The following GRM8 variants were observed in gnomAD, a reference collection of about 807,000 sequenced individuals.
The protein encoded by GRM8 is glutamate metabotropic receptor 8, also known as metabotropic glutamate receptor 8.
A neutral mutation model predicts 87.2 loss-of-function variants in GRM8; 47 were observed. The ratio of observed to expected loss-of-function variants is 0.54; its 90% CI spans 0.43 to 0.69. The LOEUF (loss-of-function observed/expected upper bound fraction) is 0.69, where lower values mean the gene tolerates loss of function less well. Ranked by LOEUF, GRM8 falls within the 30% of genes least tolerant of loss-of-function variation. The pLI is 0.00. For synonymous variants in GRM8, 396 were observed against 404.5 expected (o/e 0.98, Z 0.25); for missense variants, 1,019 against 1,139.2 (o/e 0.89, Z 1.52).
At chr7:126,572,531 A>G (rs183652006) in intron 8 of GRM8, among the ~76,000 whole-genome samples, 32 of 152,060 alleles carry the variant, frequency 2.1e-4, no homozygotes, top group African/African-American at 7.7e-4. Context: ...GGTACTAAAA[A>G]TAACAAAGTA....
intron 8 of GRM8, among the ~76,000 whole-genome samples, chr7:126,604,541 A>T (rs1053666230): frequency 6.6e-6 from 1 of 152,134 alleles, no homozygotes; most frequent in Non-Finnish European, 1.5e-5. Context: ...GTACCAGTCA[A>T]TGTTCTAGGA....
intron 2 of GRM8, among the ~76,000 whole-genome samples, chr7:127,216,993 A>G (rs957651549): frequency 6.6e-6 from 1 of 152,188 alleles, no homozygotes; most frequent in Non-Finnish European, 1.5e-5. Context: ...TTCACAGTCC[A>G]TATCAGTATC....
chr7:126,784,761 C>A (rs1426085365), intron 6 of GRM8, among the ~76,000 whole-genome samples: 1 of 151,460 alleles, frequency 6.6e-6, no homozygotes, highest in Non-Finnish European at 1.5e-5. Context: ...AAAACTGAAG[C>A]TCAGGTTAAA....
At chr7:126,980,757 C>T (rs1811440000) in intron 3 of GRM8, among the ~76,000 whole-genome samples, 2 of 152,292 alleles carry the variant, frequency 1.3e-5, no homozygotes, top group South Asian at 4.1e-4. Flanking sequence ...TCCCAGTGGG[C>T]CATACTAACT....
chr7:126,679,245 T>C (rs1010146845), intron 7 of GRM8, among the ~76,000 whole-genome samples: 2 of 152,248 alleles, frequency 1.3e-5, no homozygotes, highest in Non-Finnish European at 2.9e-5. Flanking sequence ...TTTACATGTC[T>C]AAAATTATTG....
chr7:127,064,555 ATCTTGCTTT>A (rs1378739522), intron 3 of GRM8, among the ~76,000 whole-genome samples: 1 of 152,084 alleles, frequency 6.6e-6, no homozygotes, highest in Non-Finnish European at 1.5e-5. Context: ...ATACCATTGG[ATCTTGCTTT>A]TCTATCCAGC....
chr7:126,461,676 A>G (rs1004160029), intron 9 of GRM8, among the ~76,000 whole-genome samples: 2 of 151,500 alleles, frequency 1.3e-5, no homozygotes, highest in Non-Finnish European at 3.0e-5. Flanking sequence ...GCCTTCATTC[A>G]TTGGAGGTTC....
chr7:127,212,208 C>T (rs1421771074), intron 2 of GRM8, among the ~76,000 whole-genome samples: 1 of 152,070 alleles, frequency 6.6e-6, no homozygotes, highest in African/African-American at 2.4e-5. Flanking sequence ...ACAGCTGAGG[C>T]TAGACAGAGA....
intron 3 of GRM8, among the ~76,000 whole-genome samples, chr7:126,992,440 A>T (rs1186067976): frequency 2.0e-5 from 3 of 152,350 alleles, no homozygotes; most frequent in Non-Finnish European, 4.4e-5. Context: ...AATAGAAAAC[A>T]ACCATTTGTA....
In GRM8 at chr7:126,940,163, C is replaced by T. The variant is rs141272404; in HGVS notation, c.728-35480G>A. ...TTTTCCGGATTAAAATAGAACCTTC[C>T]CACTAACCCCCACCTGCAATTCCAA... On this transcript the variant is annotated intron_variant, in intron 3 of 10. Coordinates refer to ENST00000339582, the MANE Select transcript of GRM8 (RefSeq NM_000845.3). Among the ~76,000 whole-genome samples the T allele has an allele frequency of 1.1e-4, 17 of 152,268 alleles. No homozygotes were observed. In the East Asian group the frequency reaches 2.3e-3, roughly 21 times the overall value.
intron 7 of GRM8, among the ~76,000 whole-genome samples, chr7:126,610,238 T>A (rs539781459): frequency 9.9e-5 from 15 of 152,218 alleles, no homozygotes; most frequent in Non-Finnish European, 2.1e-4. Flanking sequence ...TTATTAACTT[T>A]TATGTAATTA....
At chr7:126,583,167 C>T (rs1387384917) in intron 8 of GRM8, among the ~76,000 whole-genome samples, 3 of 151,944 alleles carry the variant, frequency 2.0e-5, no homozygotes, top group Non-Finnish European at 2.9e-5. Flanking sequence ...ACCAGCCTGG[C>T]CAACATGGTG....
chr7:126,988,552 G>A (rs1034347936), intron 3 of GRM8, among the ~76,000 whole-genome samples: 1 of 152,116 alleles, frequency 6.6e-6, no homozygotes, highest in African/African-American at 2.4e-5. Context: ...TGCCTATTAT[G>A]TGCTAGGTAC....
intron 7 of GRM8, among the ~76,000 whole-genome samples, chr7:126,737,924 T>A (rs1442112153): frequency 1.3e-5 from 2 of 152,006 alleles, no homozygotes; most frequent in Non-Finnish European, 2.9e-5. Flanking sequence ...CTAACGAGGG[T>A]GATCTCAAGC....
chr7:126,840,009 T>G (rs905200660), intron 6 of GRM8, among the ~76,000 whole-genome samples: 2 of 152,196 alleles, frequency 1.3e-5, no homozygotes, highest in African/African-American at 2.4e-5. Context: ...AACATCTGTA[T>G]GGGTGAAATT....
chr7:126,912,131 A>G (rs2518960), intron 3 of GRM8, among the ~76,000 whole-genome samples: 14,884 of 152,166 alleles, frequency 0.098, 968 homozygotes, highest in Middle Eastern at 0.15. Flanking sequence ...CGGGAGGCGG[A>G]GCTTGCAGTG....
chr7:126,537,606 C>A (rs1009894404), intron 8 of GRM8, among the ~76,000 whole-genome samples: 1 of 152,024 alleles, frequency 6.6e-6, no homozygotes, highest in Non-Finnish European at 1.5e-5. Context: ...AAAACCCTGT[C>A]TCTTCTAAAA....
chr7:127,120,953 G>C (rs1271689371), intron 2 of GRM8, among the ~76,000 whole-genome samples: 2 of 152,200 alleles, frequency 1.3e-5, no homozygotes, highest in Non-Finnish European at 2.9e-5. Context: ...CATATCAAGA[G>C]TTGAGTCAGT....
At chr7:126,702,545 C>G (rs1232465379) in intron 7 of GRM8, among the ~76,000 whole-genome samples, 2 of 152,180 alleles carry the variant, frequency 1.3e-5, no homozygotes, top group Non-Finnish European at 2.9e-5. Flanking sequence ...AGTCCAGTCT[C>G]CTTATTGTCA....
Sources: allele counts gnomAD v4.1 joint callset (sites outside exome capture counted in the v4.1 genomes callset), GRCh38; gene constraint gnomAD v4.1.1; transcripts MANE v1.5; gene names NCBI Gene and HGNC (gene_info 2026-07-23, HGNC 2026-07-21).